The following EXOC6B variants were observed in gnomAD, a reference collection of about 807,000 sequenced individuals.
EXOC6B encodes SEC15 homolog B.
In EXOC6B, 54 loss-of-function variants were observed where a neutral mutation model predicts 113.5. The ratio of observed to expected loss-of-function variants is 0.48; its 90% confidence interval spans 0.38 to 0.60. The LOEUF (loss-of-function observed/expected upper bound fraction) is 0.60. Ranked by LOEUF, EXOC6B falls within the 20% of genes least tolerant of loss-of-function variation. EXOC6B has a pLI of 0.00. For synonymous variants in EXOC6B, 357 were observed against 339.0 expected (o/e 1.05, Z -0.58); for missense variants, 797 against 977.5 (o/e 0.82, Z 2.46).
chr2:72,335,838 A>C (rs1688663766), intron 19 of EXOC6B, among the ~76,000 whole-genome samples: 1 of 152,072 alleles, frequency 6.6e-6, no homozygotes, highest in Non-Finnish European at 1.5e-5. Context: ...CATGAATACT[A>C]TTTGCAATTT....
At chr2:72,641,373 T>C (rs1273388627) in intron 6 of EXOC6B, among the ~76,000 whole-genome samples, 1 of 152,334 alleles carries the variant, frequency 6.6e-6, no homozygotes, top group South Asian at 2.1e-4. Flanking sequence ...ACTGTGCTTT[T>C]CCAACAGTCT....
At chr2:72,710,094 C>T (rs890546005) in intron 6 of EXOC6B, among the ~76,000 whole-genome samples, 3 of 151,980 alleles carry the variant, frequency 2.0e-5, no homozygotes, top group African/African-American at 2.4e-5. Context: ...TTAATAGAGA[C>T]GGGGTTTCAC....
At chr2:72,395,682 G>T (rs866353337) in intron 18 of EXOC6B, among the ~76,000 whole-genome samples, 10 of 152,106 alleles carry the variant, frequency 6.6e-5, no homozygotes, top group African/African-American at 2.2e-4. Flanking sequence ...AAATAGCAAA[G>T]ATTTGGGTTC....
intron 1 of EXOC6B, among the ~76,000 whole-genome samples, chr2:72,803,514 T>A (rs1157228195): frequency 6.6e-6 from 1 of 151,676 alleles, no homozygotes; most frequent in African/African-American, 2.4e-5. Flanking sequence ...ACTAAACACA[T>A]CAAAAATGAA....
At chr2:72,325,883 C>T (rs1558559657) in intron 20 of EXOC6B, among the ~76,000 whole-genome samples, 1 of 152,012 alleles carries the variant, frequency 6.6e-6, no homozygotes, top group Non-Finnish European at 1.5e-5. Context: ...TCTGGATTCT[C>T]CTTTTGGTCC....
intron 20 of EXOC6B, among the ~76,000 whole-genome samples, chr2:72,218,884 G>A (rs1012726938): frequency 2.0e-5 from 3 of 151,398 alleles, no homozygotes; most frequent in Non-Finnish European, 4.4e-5. Context: ...GATGAAACTC[G>A]TGATCTGCCC....
At chr2:72,469,810 C>T (rs1282592297) in intron 17 of EXOC6B, among the ~76,000 whole-genome samples, 1 of 152,026 alleles carries the variant, frequency 6.6e-6, no homozygotes, top group African/African-American at 2.4e-5. Context: ...ACTGATTTTT[C>T]TGCCTCCTGG....
intron 18 of EXOC6B, among the ~76,000 whole-genome samples, chr2:72,407,785 T>A (rs541164965): frequency 1.3e-5 from 2 of 152,298 alleles, no homozygotes; most frequent in East Asian, 3.9e-4. Flanking sequence ...ACTGGAAGCA[T>A]TCCCTTTGAA....
rs1055570792 is a variant in EXOC6B, at chr2:72,263,410, A to G, written c.2196+71537T>C. ...GAGTAGAATATGAAAAGAACAACTG[A>G]GAAAGCGTTGGGGCAAGCCACATTG... On this transcript the variant is annotated intron_variant, in intron 20 of 21. Coordinates refer to ENST00000272427, the MANE Select transcript of EXOC6B (RefSeq NM_015189.3). 2.0e-5 allele frequency: 3 copies of G among 152,264 alleles called. No individual in the cohort carries two copies. The East Asian group carries it at 5.8e-4, about 29-fold the overall frequency. The allele number at this position is 152,264 out of a possible 1,614,324, so 9.4% of individuals were successfully genotyped here.
chr2:72,250,812 C>T (rs1355334902), intron 20 of EXOC6B, among the ~76,000 whole-genome samples: 1 of 151,040 alleles, frequency 6.6e-6, no homozygotes, highest in Non-Finnish European at 1.5e-5. Flanking sequence ...AAGCACAGGT[C>T]TTCATTATTT....
At chr2:72,764,220 T>C (rs1321325840) in intron 1 of EXOC6B, among the ~76,000 whole-genome samples, 48 of 152,108 alleles carry the variant, frequency 3.2e-4, no homozygotes, top group Non-Finnish European at 1.3e-4. Flanking sequence ...CTCTCAATAC[T>C]TATATACCCC....
At chr2:72,377,961 T>C (rs1168052619) in intron 19 of EXOC6B, among the ~76,000 whole-genome samples, 1 of 121,726 alleles carries the variant, frequency 8.2e-6, no homozygotes, top group Admixed American at 7.0e-5. Flanking sequence ...ACATATACAA[T>C]TAAGAAAAAA....
intron 20 of EXOC6B, among the ~76,000 whole-genome samples, chr2:72,269,309 T>C (rs1414477238): frequency 2.0e-5 from 3 of 152,158 alleles, no homozygotes; most frequent in African/African-American, 7.2e-5. Context: ...GTCACTTGAC[T>C]GTATTTAAGG....
At chr2:72,207,748 T>C (rs992304237) in intron 20 of EXOC6B, among the ~76,000 whole-genome samples, 1 of 152,218 alleles carries the variant, frequency 6.6e-6, no homozygotes, top group Admixed American at 6.5e-5. Context: ...CTAGAGGGAC[T>C]ATCTCACTAA....
chr2:72,323,036 C>T (rs1230626222), intron 20 of EXOC6B, among the ~76,000 whole-genome samples: 2 of 152,148 alleles, frequency 1.3e-5, no homozygotes, highest in East Asian at 1.9e-4. Context: ...AAGAAACTAT[C>T]GTCAGAGTGA....
chr2:72,596,579 T>A (rs1168682014), intron 6 of EXOC6B, among the ~76,000 whole-genome samples: 4 of 151,010 alleles, frequency 2.6e-5, no homozygotes, highest in Non-Finnish European at 5.9e-5. Flanking sequence ...AAGAAAAACA[T>A]AAAGGAAGAA....
rs753247136 is a variant in EXOC6B, at chr2:72,495,421, G to C, written c.1553+9C>G. 1 of 1,395,078 alleles carries C rather than the reference G, an allele frequency of 7.2e-7. No homozygotes were observed. Among genetic ancestry groups the C allele is most frequent in the South Asian group, 1.2e-5 (1 of 82,214 alleles). The allele number at this position is 1,395,078 out of a possible 1,614,324, so 86.4% of individuals were successfully genotyped here. The stretch of plus-strand genomic sequence containing the variant: ...GCATTGGTTACATTTCTACTATTTT[G>C]TATTATACCTTAGATGAAGATCTTC... On this transcript the variant is annotated intron_variant, in intron 15 of 21. Transcript: ENST00000272427.
chr2:72,657,334 T>A (rs1190042578), intron 6 of EXOC6B, among the ~76,000 whole-genome samples: 1 of 150,524 alleles, frequency 6.6e-6, no homozygotes, highest in Non-Finnish European at 1.5e-5. Flanking sequence ...CAAGCAATTC[T>A]CTTGCCTCAG....
chr2:72,785,881 T>C (rs1431374903), intron 1 of EXOC6B, among the ~76,000 whole-genome samples: 1 of 152,202 alleles, frequency 6.6e-6, no homozygotes, highest in African/African-American at 2.4e-5. Flanking sequence ...TTCTATCACA[T>C]AGTCAGGCTG....
Sources: allele counts gnomAD v4.1 joint callset (sites outside exome capture counted in the v4.1 genomes callset), GRCh38; gene constraint gnomAD v4.1.1; transcripts MANE v1.5; gene names NCBI Gene and HGNC (gene_info 2026-07-23, HGNC 2026-07-21).